GTSF1: variants seen among roughly 807,000 people sequenced by gnomAD.
GTSF1 encodes gametocyte specific factor 1.
Under a neutral mutation model 28.9 loss-of-function variants are expected in GTSF1, and 11 were observed. That is an observed-to-expected ratio of 0.38 (90% CI 0.24 to 0.63). The LOEUF is 0.63. GTSF1 is among the 30% of genes least tolerant of loss of function. The pLI, the probability that GTSF1 is intolerant of heterozygous loss-of-function variation, is 0.56. For missense variants in GTSF1, 146 were observed against 201.0 expected (o/e 0.73, Z 1.66); for synonymous variants, 69 against 65.6 (o/e 1.05, Z -0.25).
At chr12:54,463,533 C>A (rs1271745599) in intron 3 of GTSF1, among the ~76,000 whole-genome samples, 1 of 152,108 alleles carries the variant, frequency 6.6e-6, no homozygotes, top group East Asian at 1.9e-4. Flanking sequence ...TAGAGACTGA[C>A]AACACAGATA....
At position 54,462,626 on chromosome 12, in the gene GTSF1, T is replaced by C. The variant is rs369185132; in HGVS notation, c.328+16A>G. 4 of 1,596,348 alleles carry C rather than the reference T, an allele frequency of 2.5e-6. No homozygotes were observed. In the African/African-American group the frequency reaches 5.4e-5, roughly 21 times the overall value. On this transcript the variant is annotated intron_variant, in intron 5 of 8. Transcript: ENST00000305879. ...GATTTAGACATTGTGAAGAAAAAGATGTAGAGGCAGCTCACCTTTATCCCA... is the reference window on the plus strand; with the variant it reads ...GATTTAGACATTGTGAAGAAAAAGACGTAGAGGCAGCTCACCTTTATCCCA...
intron 8 of GTSF1, 100 bp downstream of exon 8, chr12:54,458,989 G>T: frequency 1.3e-6 from 1 of 746,538 alleles, no homozygotes; most frequent in African/African-American, 1.8e-5. Flanking sequence ...GCTTTAATTT[G>T]GTACCATAAT....
At chr12:54,463,562 A>G (rs1956458249) in intron 3 of GTSF1, among the ~76,000 whole-genome samples, 1 of 152,214 alleles carries the variant, frequency 6.6e-6, no homozygotes, top group Non-Finnish European at 1.5e-5. Flanking sequence ...TAAACAATGA[A>G]TTTAGGATTG....
At chr12:54,471,351 C>A in intron 1 of GTSF1, 74 bp from the exon 2 acceptor site, 1 of 1,025,444 alleles carries the variant, frequency 9.8e-7, no homozygotes, top group South Asian at 1.7e-5. Context: ...GAAGTGGAGT[C>A]ACTTCTGGAT....
At chr12:54,463,348 C>G (rs1956454294) in intron 3 of GTSF1, 51 bp from the exon 4 acceptor site, 1 of 1,591,296 alleles carries the variant, frequency 6.3e-7, no homozygotes, top group Non-Finnish European at 8.6e-7. Context: ...CTACTAAAGT[C>G]AACAGGGAGT....
chr12:54,472,148 C>T (rs1312368200), intron 1 of GTSF1: 1 of 151,960 alleles, frequency 6.6e-6, no homozygotes, highest in East Asian at 1.9e-4. Flanking sequence ...GGTTACCAGT[C>T]TTGTTCCTCT....
chr12:54,456,883 G>C (rs928542254), intron 8 of GTSF1, among the ~76,000 whole-genome samples: 1 of 152,088 alleles, frequency 6.6e-6, no homozygotes, highest in Non-Finnish European at 1.5e-5. Flanking sequence ...TCAGGAGTTC[G>C]AGACTGGCCT....
chr12:54,465,674 C>T (rs1218134514), intron 2 of GTSF1, among the ~76,000 whole-genome samples: 1 of 151,900 alleles, frequency 6.6e-6, no homozygotes, highest in Admixed American at 6.6e-5. Context: ...GTAATACTTG[C>T]TATTACTAGT....
rs564356100 is a variant in GTSF1, at chr12:54,469,328, T to C, written c.16+1905A>G. Among the ~76,000 whole-genome samples, 3 of 152,196 alleles carry C rather than the reference T, an allele frequency of 2.0e-5. No homozygotes were observed. The South Asian group carries it at 6.2e-4, about 32-fold the overall frequency. ...TTTTCACCTTGTGATCCACCTGCCT[T>C]GGCCTCCCAAAGTGTTGGGATTACG... On this transcript the variant is annotated intron_variant, in intron 2 of 8. Transcript: ENST00000305879.
rs184388322 is a variant in GTSF1, at chr12:54,463,154, T to C, written c.244+17A>G. ...GCTACCCTCCAGTACTGAAATATTT[T>C]AGATACTAAGTCTTACCAACATCTT... On this transcript the variant is annotated intron_variant, in intron 4 of 8. Transcript: ENST00000305879. 1 of 1,610,514 alleles carries C rather than the reference T, an allele frequency of 6.2e-7. No individual in the cohort carries two copies. Among genetic ancestry groups the C allele is most frequent in the African/African-American group, 1.3e-5 (1 of 74,886 alleles).
chr12:54,467,717 G>C (rs143661137), intron 2 of GTSF1, among the ~76,000 whole-genome samples: 3 of 151,716 alleles, frequency 2.0e-5, no homozygotes, highest in Non-Finnish European at 4.4e-5. Context: ...TTTCACTGCT[G>C]CATATGGATG....
At chr12:54,467,101 C>A (rs1956528578) in intron 2 of GTSF1, 1 of 152,100 alleles carries the variant, frequency 6.6e-6, no homozygotes, top group African/African-American at 2.4e-5. Context: ...TAAACTGAAA[C>A]TCTATACCCA....
At chr12:54,457,602 C>T (rs924704340) in intron 8 of GTSF1, among the ~76,000 whole-genome samples, 2 of 152,028 alleles carry the variant, frequency 1.3e-5, no homozygotes, top group African/African-American at 4.8e-5. Context: ...GTTTAAGACA[C>T]GAGGTCTCAC....
chr12:54,462,847 T>C (rs1042634134), intron 4 of GTSF1, 122 bp from the exon 5 acceptor site: 14 of 715,512 alleles, frequency 2.0e-5, no homozygotes, highest in Non-Finnish European at 2.8e-5. Context: ...GAAAAATGGA[T>C]AGTATAAAAG....
At chr12:54,458,505 G>C (rs1208528154) in intron 8 of GTSF1, among the ~76,000 whole-genome samples, 1 of 152,158 alleles carries the variant, frequency 6.6e-6, no homozygotes, top group Non-Finnish European at 1.5e-5. Flanking sequence ...CCGAGTTGCT[G>C]GGATTACAGG....
chr12:54,464,901 T>C, intron 3 of GTSF1, 166 bp downstream of exon 3: 2 of 451,998 alleles, frequency 4.4e-6, no homozygotes, highest in Non-Finnish European at 8.0e-6. Context: ...AAATTTATCC[T>C]AAGGAATGAA....
chr12:54,462,212 AT>A, intron 5 of GTSF1, 40 bp from the exon 6 acceptor site: 1 of 1,383,888 alleles, frequency 7.2e-7, no homozygotes, highest in Non-Finnish European at 1.0e-6. Context: ...GTACTACTAG[AT>A]AAGACACCAG....
chr12:54,459,288 GA>G, intron 7 of GTSF1, 163 bp from the exon 8 acceptor site: 1 of 1,437,022 alleles, frequency 7.0e-7, no homozygotes, highest in Non-Finnish European at 9.1e-7. Flanking sequence ...AAGAGCATGG[GA>G]AAAGAAAATA....
chr12:54,462,792 G>C, intron 4 of GTSF1, 67 bp from the exon 5 acceptor site: 1 of 1,312,076 alleles, frequency 7.6e-7, no homozygotes, highest in Non-Finnish European at 1.1e-6. Flanking sequence ...AAAGGGGCTA[G>C]TAGCTTAAAA....
Sources: allele counts gnomAD v4.1 joint callset (sites outside exome capture counted in the v4.1 genomes callset), GRCh38; gene constraint gnomAD v4.1.1; transcripts MANE v1.5; gene names NCBI Gene and HGNC (gene_info 2026-07-23, HGNC 2026-07-21).